The following SH3RF2 variants were observed in gnomAD, a reference collection of about 807,000 sequenced individuals.
The protein encoded by SH3RF2 is SH3 domain containing ring finger 2.
A neutral mutation model predicts 59.0 loss-of-function variants in SH3RF2; 43 were observed. The ratio of observed to expected loss-of-function variants is 0.73; its 90% confidence interval spans 0.57 to 0.94. SH3RF2 has a LOEUF of 0.94. Ranked by LOEUF, SH3RF2 falls within the 40% of genes least tolerant of loss-of-function variation. The pLI is 0.00. For missense variants in SH3RF2, 930 were observed against 940.1 expected (o/e 0.99, Z 0.14); for synonymous variants, 391 against 391.5 (o/e 1.00, Z 0.01).
intron 4 of SH3RF2, among the ~76,000 whole-genome samples, chr5:146,009,392 CT>C (rs1338579245): frequency 6.6e-6 from 1 of 152,062 alleles, no homozygotes; most frequent in African/African-American, 2.4e-5. Context: ...AGCCTTCTCT[CT>C]GTTTCTTTCT....
intron 2 of SH3RF2, among the ~76,000 whole-genome samples, chr5:145,940,811 A>G (rs1032478856): frequency 5.3e-5 from 8 of 152,216 alleles, no homozygotes; most frequent in African/African-American, 1.4e-4. Flanking sequence ...ACAGACAGCT[A>G]CTGTGAGGTT....
chr5:146,014,172 A>C, intron 5 of SH3RF2, 111 bp downstream of exon 5: 1 of 1,068,392 alleles, frequency 9.4e-7, no homozygotes. Context: ...AGAATGCCCT[A>C]CTAGTAACTA....
intron 2 of SH3RF2, among the ~76,000 whole-genome samples, chr5:145,976,233 C>G (rs539970573): frequency 6.6e-6 from 1 of 152,290 alleles, no homozygotes; most frequent in Non-Finnish European, 1.5e-5. Flanking sequence ...ACTTACATAT[C>G]AGCTGTGTGA....
intron 5 of SH3RF2, among the ~76,000 whole-genome samples, chr5:146,016,354 A>T (rs938924032): frequency 7.0e-6 from 1 of 143,784 alleles, no homozygotes; most frequent in Non-Finnish European, 1.5e-5. Context: ...GTAGGTAAGT[A>T]GATGGATGGA....
At chr5:146,058,941 G>A (rs1052884032) in intron 8 of SH3RF2, among the ~76,000 whole-genome samples, 4 of 151,580 alleles carry the variant, frequency 2.6e-5, no homozygotes, top group Non-Finnish European at 4.4e-5. Flanking sequence ...CTTGGACCTT[G>A]CATTTTTAGG....
intron 2 of SH3RF2, among the ~76,000 whole-genome samples, chr5:145,953,413 C>T (rs6897864): frequency 0.012 from 1,779 of 152,128 alleles, 35 homozygotes; most frequent in African/African-American, 0.04. Context: ...AGAAAACCCA[C>T]GTGGCTGAGG....
At chr5:145,965,212 G>A (rs73312103) in intron 2 of SH3RF2, among the ~76,000 whole-genome samples, 11,919 of 148,094 alleles carry the variant, frequency 0.08, 1,563 homozygotes, top group African/African-American at 0.28. Context: ...TTAAAATTAA[G>A]AAAAAAAAAA....
intron 2 of SH3RF2, among the ~76,000 whole-genome samples, chr5:145,956,305 T>C (rs60373729): frequency 0.027 from 4,097 of 152,228 alleles, 164 homozygotes; most frequent in African/African-American, 0.094. Flanking sequence ...TGAGACAGAG[T>C]GAGACTGTCA....
intron 4 of SH3RF2, among the ~76,000 whole-genome samples, chr5:146,010,042 C>T (rs1403366874): frequency 2.6e-5 from 4 of 151,904 alleles, no homozygotes; most frequent in East Asian, 1.9e-4. Context: ...CCCCACCCCA[C>T]GACAGGCCCC....
chr5:146,033,451 C>CTTTTTTTTTT lies in SH3RF2; in HGVS notation c.1060-14294_1060-14285dup, dbSNP rs558717056. 7.0e-4 allele frequency among the ~76,000 whole-genome samples: 50 copies of CTTTTTTTTTT among 71,840 alleles called. 6 individuals are homozygous for CTTTTTTTTTT. The highest frequency in any genetic ancestry group is 9.6e-4 in the Non-Finnish European group (40 of 41,756). 47.1% of individuals were successfully genotyped at this position (71,840 alleles called of 152,430 possible). On this transcript the variant is annotated intron_variant, in intron 5 of 9. Coordinates refer to ENST00000359120, the MANE Select transcript of SH3RF2 (RefSeq NM_152550.4). ...AAAATCTATGAGCACTAGCCCTTAG[C>CTTTTTTTTTT]TTTTTTTTTTTTTTTTTTTTTTTTT...
intron 5 of SH3RF2, among the ~76,000 whole-genome samples, chr5:146,018,563 G>A (rs944933150): frequency 2.6e-5 from 4 of 151,692 alleles, no homozygotes; most frequent in Non-Finnish European, 5.9e-5. Context: ...AGTTGATTCC[G>A]TATCTTTGCA....
At chr5:146,035,920 C>T (rs1204485932) in intron 5 of SH3RF2, among the ~76,000 whole-genome samples, 2 of 152,166 alleles carry the variant, frequency 1.3e-5, no homozygotes, top group African/African-American at 4.8e-5. Context: ...TCCCCCAGGC[C>T]TAGCACGGTG....
intron 2 of SH3RF2, among the ~76,000 whole-genome samples, chr5:145,984,643 AG>A (rs1326639206): frequency 2.6e-5 from 4 of 152,200 alleles, no homozygotes; most frequent in Admixed American, 6.5e-5. Flanking sequence ...TTTTGTTGAA[AG>A]AAATGACCTT....
chr5:145,954,845 A>G (rs763651709), intron 2 of SH3RF2, among the ~76,000 whole-genome samples: 2 of 152,044 alleles, frequency 1.3e-5, no homozygotes, highest in African/African-American at 4.8e-5. Flanking sequence ...GACATGTCAC[A>G]TAGTGAAAGC....
intron 5 of SH3RF2, among the ~76,000 whole-genome samples, chr5:146,036,046 C>A (rs557218542): frequency 5.9e-5 from 9 of 152,260 alleles, no homozygotes; most frequent in African/African-American, 1.9e-4. Context: ...TTTAATGAGG[C>A]CTGGTGAGAG....
At chr5:145,947,468 A>G (rs1192659370) in intron 2 of SH3RF2, among the ~76,000 whole-genome samples, 1 of 152,220 alleles carries the variant, frequency 6.6e-6, no homozygotes, top group Non-Finnish European at 1.5e-5. Context: ...TGATGCCTAT[A>G]AAGTGCTTAG....
chr5:146,019,705 C>T (rs1761237261), intron 5 of SH3RF2, among the ~76,000 whole-genome samples: 1 of 152,128 alleles, frequency 6.6e-6, no homozygotes, highest in Non-Finnish European at 1.5e-5. Flanking sequence ...ATGGTCATTT[C>T]ACGATATTGT....
intron 7 of SH3RF2, among the ~76,000 whole-genome samples, chr5:146,053,061 A>G (rs1580925836): frequency 6.6e-6 from 1 of 152,178 alleles, no homozygotes; most frequent in African/African-American, 2.4e-5. Context: ...TCTTATTAAC[A>G]TCATCACCTA....
At chr5:146,077,949 C>T (rs2150030466) in intron 9 of SH3RF2, among the ~76,000 whole-genome samples, 1 of 152,126 alleles carries the variant, frequency 6.6e-6, no homozygotes. Flanking sequence ...GGGGGCTTGG[C>T]AGTAACGGAT....
Sources: allele counts gnomAD v4.1 joint callset (sites outside exome capture counted in the v4.1 genomes callset), GRCh38; gene constraint gnomAD v4.1.1; transcripts MANE v1.5; gene names NCBI Gene and HGNC (gene_info 2026-07-23, HGNC 2026-07-21).